TP63: variants seen among roughly 807,000 people sequenced by gnomAD.
The protein encoded by TP63 is tumor protein 63.
In TP63, 17 loss-of-function variants were observed where a neutral mutation model predicts 82.8. The ratio of observed to expected loss-of-function variants is 0.21; its 90% CI spans 0.14 to 0.31. The LOEUF (loss-of-function observed/expected upper bound fraction) is 0.31. Among genes scored for constraint, TP63 ranks in the 10% least tolerant of loss-of-function variants. The pLI is 1.00. For missense variants in TP63, 648 were observed against 895.3 expected, an observed-to-expected ratio of 0.72 and a Z score of 3.52; for synonymous variants, 330 against 321.7, an observed-to-expected ratio of 1.03 and a Z score of -0.28.
At chr3:189,756,044 C>T (rs897458076) in intron 3 of TP63, among the ~76,000 whole-genome samples, 1 of 152,078 alleles carries the variant, frequency 6.6e-6, no homozygotes, top group South Asian at 2.1e-4. Flanking sequence ...TAAAAGAGGG[C>T]TAGACAAAGT....
intron 4 of TP63, among the ~76,000 whole-genome samples, chr3:189,840,474 G>T (rs1713909484): frequency 1.4e-5 from 2 of 138,872 alleles, no homozygotes; most frequent in African/African-American, 5.4e-5. Context: ...ACGTGTGTGT[G>T]TGTGTTTATG....
chr3:189,720,415 G>C (rs781134994), intron 1 of TP63, among the ~76,000 whole-genome samples: 1 of 152,040 alleles, frequency 6.6e-6, no homozygotes, highest in Admixed American at 6.6e-5. Context: ...ATTAGACAAG[G>C]CCTTAAAGAC....
chr3:189,781,255 T>A (rs957033093), intron 3 of TP63, among the ~76,000 whole-genome samples: 12 of 152,180 alleles, frequency 7.9e-5, no homozygotes, highest in African/African-American at 2.9e-4. Context: ...GGTAATGTAA[T>A]CCTGAACAGT....
At chr3:189,771,337 ATATT>A (rs1299343556) in intron 3 of TP63, among the ~76,000 whole-genome samples, 1 of 137,000 alleles carries the variant, frequency 7.3e-6, no homozygotes, top group Non-Finnish European at 1.5e-5. Flanking sequence ...TATATAATAT[ATATT>A]TATATAATAT....
intron 4 of TP63, among the ~76,000 whole-genome samples, chr3:189,831,670 A>G (rs1712358778): frequency 6.6e-6 from 1 of 151,664 alleles, no homozygotes; most frequent in Non-Finnish European, 1.5e-5. Context: ...TTGAGCTCCT[A>G]CCCTTCCTAA....
intron 3 of TP63, among the ~76,000 whole-genome samples, chr3:189,750,804 C>T (rs1721760384): frequency 6.6e-6 from 1 of 151,864 alleles, no homozygotes; most frequent in Non-Finnish European, 1.5e-5. Flanking sequence ...GTGTCAAGTG[C>T]CTTTTATTTT....
intron 1 of TP63, among the ~76,000 whole-genome samples, chr3:189,734,077 C>A (rs2108788889): frequency 6.7e-6 from 1 of 148,986 alleles, no homozygotes; most frequent in African/African-American, 2.5e-5. Context: ...TCTTTTCTTT[C>A]TTTCTCTCTT....
At chr3:189,636,998 C>G (rs1490944126) in intron 1 of TP63, among the ~76,000 whole-genome samples, 1 of 152,036 alleles carries the variant, frequency 6.6e-6, no homozygotes. Context: ...CCTGCTTATT[C>G]CAGTTCAGGG....
intron 1 of TP63, among the ~76,000 whole-genome samples, chr3:189,727,298 G>A (rs1283320361): frequency 6.6e-6 from 1 of 152,220 alleles, no homozygotes; most frequent in East Asian, 1.9e-4. Flanking sequence ...TTCTATAATT[G>A]AGAAAAGGTT....
At chr3:189,601,231 C>T in the TP63 span, among the ~76,000 whole-genome samples, 12 of 152,084 alleles carry the variant, frequency 7.9e-5, no homozygotes, top group Non-Finnish European at 1.6e-4. Context: ...GAGAATTTCG[C>T]GGGGAGAGGG....
chr3:189,664,883 TG>T (rs1714242410), intron 1 of TP63, among the ~76,000 whole-genome samples: 1 of 152,108 alleles, frequency 6.6e-6, no homozygotes, highest in East Asian at 1.9e-4. Context: ...ATCTAGCTGG[TG>T]GGGAGACAGT....
chr3:189,761,908 G>A (rs185591586), intron 3 of TP63, among the ~76,000 whole-genome samples: 114 of 152,078 alleles, frequency 7.5e-4, no homozygotes, highest in East Asian at 2.5e-3. Context: ...AGAAACCCCC[G>A]TTTTTAAAAC....
At chr3:189,669,932 G>T (rs1320650411) in intron 1 of TP63, among the ~76,000 whole-genome samples, 2 of 151,930 alleles carry the variant, frequency 1.3e-5, no homozygotes, top group African/African-American at 4.8e-5. Flanking sequence ...CTATATCAAT[G>T]TTTGCATTAA....
chr3:189,809,396 A>G (rs560264286), intron 4 of TP63, among the ~76,000 whole-genome samples: 6 of 152,332 alleles, frequency 3.9e-5, no homozygotes, highest in Non-Finnish European at 7.3e-5. Context: ...TTTGAAGTGT[A>G]TTTTGAAATG....
chr3:189,846,984 C>T (rs1714970158), intron 4 of TP63, among the ~76,000 whole-genome samples: 1 of 152,030 alleles, frequency 6.6e-6, no homozygotes, highest in South Asian at 2.1e-4. Context: ...CTTGGCCTTC[C>T]ACATTCTTTA....
intron 4 of TP63, among the ~76,000 whole-genome samples, chr3:189,812,674 C>T (rs1036099650): frequency 6.6e-5 from 10 of 152,202 alleles, no homozygotes; most frequent in Admixed American, 5.2e-4. Flanking sequence ...TTAATACTTT[C>T]CTTATCATGA....
At chr3:189,870,301 T>C (rs1056762186) in intron 9 of TP63, among the ~76,000 whole-genome samples, 1 of 151,646 alleles carries the variant, frequency 6.6e-6, no homozygotes, top group Non-Finnish European at 1.5e-5. Flanking sequence ...CAATCACAGA[T>C]CAAAAATAGT....
intron 1 of TP63, among the ~76,000 whole-genome samples, chr3:189,724,074 G>T (rs1577306351): frequency 1.5e-5 from 2 of 137,074 alleles, no homozygotes; most frequent in Admixed American, 7.8e-5. Context: ...AGAGGTCATT[G>T]CAATATACCA....
At position 189,868,682 on chromosome 3, in the gene TP63, G is replaced by A. The variant is rs748609799; in HGVS notation, c.1095G>A (p.Ser365=). ...ATAGCATCAGAAAGCAGCAAGTTTCGGACAGTACAAAGAACGGTGATGGTA... is the reference window on the plus strand; with the variant it reads ...ATAGCATCAGAAAGCAGCAAGTTTCAGACAGTACAAAGAACGGTGATGGTA... ...DEDSIRKQQV[S]DSTKNGDGTK... is the part of the protein sequence containing the mutation. Residue 365 remains serine, a synonymous_variant, in exon 8 of 14, where the codon TCG becomes TCA. Transcript: ENST00000264731. 4.5e-5 allele frequency: 72 copies of A among 1,613,912 alleles called. No individual in the cohort carries two copies. Among genetic ancestry groups the A allele is most frequent in the Middle Eastern group, 3.3e-4 (2 of 6,084 alleles).
Sources: allele counts gnomAD v4.1 joint callset (sites outside exome capture counted in the v4.1 genomes callset), GRCh38; gene constraint gnomAD v4.1.1; transcripts MANE v1.5; gene names NCBI Gene and HGNC (gene_info 2026-07-23, HGNC 2026-07-21).